Variants in CGGBP1 observed in about 807,000 individuals in gnomAD.
The protein encoded by CGGBP1 is CGG triplet repeat binding protein 1, also known as CGG triplet repeat-binding protein 1.
In CGGBP1, 4 loss-of-function variants were observed where a neutral mutation model predicts 11.4. The ratio of observed to expected loss-of-function variants is 0.35; its 90% confidence interval spans 0.17 to 0.80. CGGBP1 has a LOEUF of 0.80. Ranked by LOEUF, CGGBP1 falls within the 30% of genes least tolerant of loss-of-function variation. The pLI is 0.52. For synonymous variants in CGGBP1, 76 were observed against 74.1 expected, an observed-to-expected ratio of 1.03 and a Z score of -0.13; for missense variants, 135 against 202.1, an observed-to-expected ratio of 0.67 and a Z score of 2.01.
At chr3:88,112,907 T>C (rs1705181724) in intron 2 of CGGBP1, among the ~76,000 whole-genome samples, 1 of 152,104 alleles carries the variant, frequency 6.6e-6, no homozygotes, top group African/African-American at 2.4e-5. Context: ...GTTCTAAAAC[T>C]TAAGTATATT....
At chr3:88,107,915 T>G (rs1283124032) in intron 2 of CGGBP1, among the ~76,000 whole-genome samples, 7 of 152,162 alleles carry the variant, frequency 4.6e-5, no homozygotes, top group Non-Finnish European at 7.4e-5. Context: ...AAAGTCTCTG[T>G]GACTAACGTT....
At chr3:88,122,281 A>G (rs999608851) in intron 2 of CGGBP1, among the ~76,000 whole-genome samples, 9 of 152,184 alleles carry the variant, frequency 5.9e-5, no homozygotes, top group Non-Finnish European at 1.2e-4. Flanking sequence ...GCTGAAGAAA[A>G]GAATACATGA....
At chr3:88,130,056 A>G (rs1330600394) in intron 2 of CGGBP1, among the ~76,000 whole-genome samples, 1 of 152,238 alleles carries the variant, frequency 6.6e-6, no homozygotes, top group Non-Finnish European at 1.5e-5. Context: ...ATAATGAAAC[A>G]GTGGTTTGAA....
At chr3:88,149,106 G>A (rs1288193256) in intron 1 of CGGBP1, among the ~76,000 whole-genome samples, 1 of 152,194 alleles carries the variant, frequency 6.6e-6, no homozygotes, top group Non-Finnish European at 1.5e-5. Context: ...CTGTTTAACA[G>A]AGCATGACTA....
In CGGBP1 at chr3:88,124,687, T is replaced by C. The variant is rs542322956; in HGVS notation, c.-229+16283A>G. ...TTCTGAAGCTTTGCTTTATAACTGC[T>C]ACTACGTTTTTAATATCAGAGATTT... On this transcript the variant is annotated intron_variant, in intron 2 of 3. Transcript: ENST00000462901. 3.9e-5 allele frequency among the ~76,000 whole-genome samples: 6 copies of C among 152,310 alleles called. No individual in the cohort carries two copies. In the South Asian group the frequency reaches 1.2e-3, roughly 32 times the overall value.
At chr3:88,095,071 A>G (rs1703980074) in intron 2 of CGGBP1, among the ~76,000 whole-genome samples, 3 of 152,230 alleles carry the variant, frequency 2.0e-5, no homozygotes, top group African/African-American at 7.2e-5. Flanking sequence ...CAAATCATAT[A>G]TTTTTAGTAA....
intron 2 of CGGBP1, among the ~76,000 whole-genome samples, chr3:88,137,562 T>C (rs1706873921): frequency 6.6e-6 from 1 of 152,138 alleles, no homozygotes; most frequent in South Asian, 2.1e-4. Flanking sequence ...CATACACAGA[T>C]ATTTATAAAA....
intron 1 of CGGBP1, chr3:88,144,737 C>A (rs1045139313): frequency 3.9e-5 from 6 of 152,210 alleles, no homozygotes; most frequent in Admixed American, 3.9e-4. Flanking sequence ...ATGAAAATGT[C>A]TATTATGTCT....
chr3:88,133,109 A>C (rs1706563227), intron 2 of CGGBP1, among the ~76,000 whole-genome samples: 1 of 152,214 alleles, frequency 6.6e-6, no homozygotes, highest in Non-Finnish European at 1.5e-5. Flanking sequence ...AGAGTTGAGA[A>C]CATTCCAGAG....
chr3:88,121,707 C>T (rs1705778410), intron 2 of CGGBP1, among the ~76,000 whole-genome samples: 1 of 152,148 alleles, frequency 6.6e-6, no homozygotes, highest in South Asian at 2.1e-4. Context: ...TGATTATTCT[C>T]ATCTCATTTC....
intron 2 of CGGBP1, among the ~76,000 whole-genome samples, chr3:88,127,372 C>T (rs4513473): frequency 0.94 from 143,345 of 151,952 alleles, 68,076 homozygotes; most frequent in Non-Finnish European, 1. Flanking sequence ...CTAAGGTATA[C>T]GTGACAGTGT....
At chr3:88,128,675 C>T (rs1338998112) in intron 2 of CGGBP1, 2 of 596,640 alleles carry the variant, frequency 3.4e-6, no homozygotes. Context: ...CACAAATAAA[C>T]TCCTACTAAG....
intron 2 of CGGBP1, among the ~76,000 whole-genome samples, chr3:88,112,258 A>T (rs1705136403): frequency 6.9e-6 from 1 of 145,838 alleles, no homozygotes; most frequent in Admixed American, 7.1e-5. Flanking sequence ...TTAGTCTATT[A>T]GTGATTTGTT....
At chr3:88,098,480 A>G (rs2107706120) in intron 2 of CGGBP1, among the ~76,000 whole-genome samples, 1 of 152,338 alleles carries the variant, frequency 6.6e-6, no homozygotes, top group African/African-American at 2.4e-5. Flanking sequence ...AACTCTTTTT[A>G]TGAGGCCAGC....
At chr3:88,140,875 T>C in intron 2 of CGGBP1, 1 of 1,613,614 alleles carries the variant, frequency 6.2e-7, no homozygotes, top group South Asian at 1.1e-5. Context: ...CGCAGAAAAT[T>C]TCTGACTGAT....
intron 2 of CGGBP1, among the ~76,000 whole-genome samples, chr3:88,071,127 T>C (rs931825538): frequency 2.0e-5 from 3 of 152,222 alleles, no homozygotes; most frequent in Non-Finnish European, 2.9e-5. Flanking sequence ...ATTTTTGCTT[T>C]CCTTCCTGGC....
At chr3:88,109,823 AAC>A (rs1376584380) in intron 2 of CGGBP1, among the ~76,000 whole-genome samples, 1 of 152,188 alleles carries the variant, frequency 6.6e-6, no homozygotes, top group African/African-American at 2.4e-5. Context: ...TAATATATTA[AAC>A]ACATTTATTG....
At chr3:88,069,819 T>C (rs987755628) in intron 2 of CGGBP1, among the ~76,000 whole-genome samples, 1 of 152,196 alleles carries the variant, frequency 6.6e-6, no homozygotes, top group Non-Finnish European at 1.5e-5. Context: ...TTATTTTATG[T>C]TTATTATCTT....
chr3:88,140,555 C>T (rs1707059929), intron 2 of CGGBP1: 1 of 1,613,562 alleles, frequency 6.2e-7, no homozygotes, highest in Admixed American at 1.7e-5. Context: ...AGATGCCTGA[C>T]ATAGAGCCAA....
Sources: allele counts gnomAD v4.1 joint callset (sites outside exome capture counted in the v4.1 genomes callset), GRCh38; gene constraint gnomAD v4.1.1; transcripts MANE v1.5; gene names NCBI Gene and HGNC (gene_info 2026-07-23, HGNC 2026-07-21).